Variants in RNLS observed in about 807,000 individuals in gnomAD.
RNLS encodes the protein renalase.
In RNLS, 39 loss-of-function variants were observed where a neutral mutation model predicts 39.8. The observed-to-expected ratio is 0.98, with a 90% confidence interval of 0.76 to 1.28. The LOEUF is 1.28. Ranked by LOEUF, RNLS falls within the 50% of genes most tolerant of loss-of-function variation. The probability of loss-of-function intolerance (pLI) is 0.00; values close to 1 mark genes in which losing one functional copy is unlikely to be tolerated. For synonymous variants in RNLS, 147 were observed against 150.7 expected, an observed-to-expected ratio of 0.98 and a Z score of 0.18; for missense variants, 410 against 413.3, an observed-to-expected ratio of 0.99 and a Z score of 0.07.
At chr10:88,323,909 A>G (rs184173213) in intron 5 of RNLS, among the ~76,000 whole-genome samples, 33 of 152,316 alleles carry the variant, frequency 2.2e-4, no homozygotes, top group African/African-American at 7.0e-4. Flanking sequence ...ACCCCATTAA[A>G]AAGTGGGGCA....
At chr10:88,435,006 A>G (rs1448591229) in intron 4 of RNLS, among the ~76,000 whole-genome samples, 3 of 151,964 alleles carry the variant, frequency 2.0e-5, no homozygotes, top group Non-Finnish European at 4.4e-5. Context: ...AGACTGGAGG[A>G]AACTGTGCCC....
intron 4 of RNLS, among the ~76,000 whole-genome samples, chr10:88,395,794 T>C (rs1589722785): frequency 1.3e-5 from 2 of 152,118 alleles, no homozygotes; most frequent in Non-Finnish European, 2.9e-5. Context: ...ATATGCATCA[T>C]AGTCAAACCA....
At chr10:88,319,766 C>G (rs1846038177) in intron 5 of RNLS, among the ~76,000 whole-genome samples, 1 of 151,712 alleles carries the variant, frequency 6.6e-6, no homozygotes, top group Non-Finnish European at 1.5e-5. Flanking sequence ...ATGAAGAAAG[C>G]CTTTGAAAAA....
chr10:88,282,906 C>A (rs912481316), downstream of RNLS, among the ~76,000 whole-genome samples: 5 of 152,164 alleles, frequency 3.3e-5, no homozygotes, highest in Non-Finnish European at 7.3e-5. Flanking sequence ...TATTAAATCA[C>A]CCCACTGCTC....
chr10:88,494,237 T>C (rs1231774167), intron 4 of RNLS, among the ~76,000 whole-genome samples: 2 of 152,180 alleles, frequency 1.3e-5, no homozygotes, highest in East Asian at 3.9e-4. Flanking sequence ...AAATGTTACA[T>C]ACTGTTTGTA....
chr10:88,252,956 G>T, the RNLS span, among the ~76,000 whole-genome samples: 2 of 152,206 alleles, frequency 1.3e-5, no homozygotes, highest in East Asian at 3.8e-4. Flanking sequence ...TAAGGCAATA[G>T]TCATGGGAGC....
the RNLS span, among the ~76,000 whole-genome samples, chr10:88,246,854 C>T: frequency 6.6e-6 from 1 of 152,154 alleles, no homozygotes; most frequent in Non-Finnish European, 1.5e-5. Flanking sequence ...GTGTAACCAG[C>T]CATGAAGGTT....
At chr10:88,464,626 C>T (rs1267469044) in intron 4 of RNLS, among the ~76,000 whole-genome samples, 1 of 152,036 alleles carries the variant, frequency 6.6e-6, no homozygotes, top group Non-Finnish European at 1.5e-5. Flanking sequence ...GTGAGGAAAA[C>T]CCAAACCAGA....
the RNLS span, among the ~76,000 whole-genome samples, chr10:88,241,329 C>T: frequency 1.3e-5 from 2 of 148,974 alleles, no homozygotes. Context: ...TAATTTTTTC[C>T]TCGCTGGTTA....
intron 4 of RNLS, among the ~76,000 whole-genome samples, chr10:88,400,704 G>T (rs1852859467): frequency 6.6e-6 from 1 of 151,902 alleles, no homozygotes; most frequent in African/African-American, 2.4e-5. Context: ...TTGAATGAAT[G>T]ACTTAAGAGT....
intron 5 of RNLS, among the ~76,000 whole-genome samples, chr10:88,346,481 A>G (rs1018390682): frequency 6.6e-6 from 1 of 152,204 alleles, no homozygotes; most frequent in Admixed American, 6.5e-5. Flanking sequence ...TATGCTTTTC[A>G]GTGGCTTTCA....
chr10:88,527,677 C>T (rs566898015), intron 4 of RNLS, among the ~76,000 whole-genome samples: 3 of 152,148 alleles, frequency 2.0e-5, no homozygotes, highest in East Asian at 1.9e-4. Flanking sequence ...CTCTTCCCCC[C>T]ACATATACAC....
At chr10:88,430,397 T>C (rs1449507182) in intron 4 of RNLS, among the ~76,000 whole-genome samples, 2 of 151,890 alleles carry the variant, frequency 1.3e-5, no homozygotes, top group Non-Finnish European at 2.9e-5. Flanking sequence ...TTTGTGGATT[T>C]CACTGAATTT....
intron 4 of RNLS, among the ~76,000 whole-genome samples, chr10:88,457,332 G>A (rs2133921446): frequency 6.6e-6 from 1 of 152,326 alleles, no homozygotes; most frequent in East Asian, 1.9e-4. Context: ...AGGTAATAAA[G>A]TATAACAAGG....
chr10:88,564,186 C>T (rs1849358501), intron 4 of RNLS, among the ~76,000 whole-genome samples: 2 of 152,090 alleles, frequency 1.3e-5, no homozygotes, highest in Non-Finnish European at 2.9e-5. Context: ...TCTTTGCTAT[C>T]ACACAGCAAC....
intron 4 of RNLS, among the ~76,000 whole-genome samples, chr10:88,518,255 C>A (rs1846517901): frequency 6.6e-6 from 1 of 151,792 alleles, no homozygotes; most frequent in Admixed American, 6.6e-5. Context: ...CAGTAAGTAG[C>A]ATGCATATGT....
chr10:88,426,377 G>A (rs1233403306), intron 4 of RNLS, among the ~76,000 whole-genome samples: 4 of 151,956 alleles, frequency 2.6e-5, no homozygotes, highest in African/African-American at 9.7e-5. Flanking sequence ...TGTAACATAG[G>A]ACATTTGTAC....
chr10:88,430,682 G>A (rs1257822447), intron 4 of RNLS, among the ~76,000 whole-genome samples: 1 of 151,626 alleles, frequency 6.6e-6, no homozygotes, highest in Non-Finnish European at 1.5e-5. Context: ...GCTATTCCTG[G>A]TTTGCTAACA....
At chr10:88,581,769 C>T in intron 2 of RNLS, 60 bp from the exon 3 acceptor site, 2 of 1,107,546 alleles carry the variant, frequency 1.8e-6, no homozygotes, top group Non-Finnish European at 1.2e-6. Context: ...CTCTAAAAGA[C>T]TATATTTTCT....
Sources: gnomAD v4.1 joint callset for allele counts (sites outside exome capture counted in the v4.1 genomes callset) on GRCh38, gnomAD v4.1.1 for gene constraint, MANE v1.5 for transcripts, NCBI Gene and HGNC (gene_info 2026-07-23, HGNC 2026-07-21) for gene names.